The following FSIP1 variants were observed in gnomAD, a reference collection of about 807,000 sequenced individuals.
FSIP1 encodes the protein fibrous sheath interacting protein 1.
In FSIP1, 65 loss-of-function variants were observed where a neutral mutation model predicts 60.9. That is an observed-to-expected ratio of 1.07 (90% CI 0.87 to 1.31). FSIP1 has a LOEUF of 1.31. Among genes scored for constraint, FSIP1 ranks in the 40% most tolerant of loss-of-function variants. The probability of loss-of-function intolerance (pLI) is 0.00; values close to 1 mark genes in which losing one functional copy is unlikely to be tolerated. For synonymous variants in FSIP1, 209 were observed against 221.2 expected (o/e 0.94, Z 0.49); for missense variants, 675 against 665.5 (o/e 1.01, Z -0.16).
intron 3 of FSIP1, 50 bp downstream of exon 3, chr15:39,770,377 T>G: frequency 7.6e-7 from 1 of 1,314,518 alleles, no homozygotes; most frequent in Non-Finnish European, 1.0e-6. Flanking sequence ...TTTGTAATAA[T>G]CATTAACATT....
chr15:39,715,501 T>G (rs1373006968), intron 9 of FSIP1, among the ~76,000 whole-genome samples: 1 of 152,174 alleles, frequency 6.6e-6, no homozygotes. Context: ...TTTCGAAACT[T>G]TCATCAAACT....
At chr15:39,609,737 G>A (rs1261587853) in intron 11 of FSIP1, among the ~76,000 whole-genome samples, 1 of 152,178 alleles carries the variant, frequency 6.6e-6, no homozygotes, top group African/African-American at 2.4e-5. Flanking sequence ...TCCCAGCCAG[G>A]GAAAACAACA....
At chr15:39,773,281 C>A (rs1276564852) in intron 2 of FSIP1, among the ~76,000 whole-genome samples, 2 of 152,210 alleles carry the variant, frequency 1.3e-5, no homozygotes, top group Non-Finnish European at 2.9e-5. Context: ...AATCAGCAGT[C>A]AGCATACAAT....
chr15:39,765,751 A>G lies in FSIP1; in HGVS notation c.311-5T>C. The G allele has an allele frequency of 6.9e-7, 1 of 1,456,696 alleles. No homozygotes were observed. Among genetic ancestry groups the G allele is most frequent in the Non-Finnish European group, 9.4e-7 (1 of 1,064,548 alleles). The allele number at this position is 1,456,696 out of a possible 1,614,324, so 90.2% of individuals were successfully genotyped here. Reference sequence around the variant, plus strand: ...ATTCTTTTAATTTGGGTTCATCTATATTGTGTTGAAAGTAAAAATAGGTTT... The same window carrying G: ...ATTCTTTTAATTTGGGTTCATCTATGTTGTGTTGAAAGTAAAAATAGGTTT... On this transcript the variant is annotated splice_region_variant and splice_polypyrimidine_tract_variant and intron_variant, in intron 3 of 11. Coordinates refer to ENST00000350221, the MANE Select transcript of FSIP1 (RefSeq NM_152597.5).
chr15:39,701,986 G>C (rs1031389120), intron 10 of FSIP1, among the ~76,000 whole-genome samples: 2 of 152,148 alleles, frequency 1.3e-5, no homozygotes, highest in African/African-American at 4.8e-5. Context: ...ATTTTCAACT[G>C]AACATTCAAC....
chr15:39,656,688 A>G (rs1420335458), intron 10 of FSIP1, among the ~76,000 whole-genome samples: 1 of 152,254 alleles, frequency 6.6e-6, no homozygotes, highest in East Asian at 1.9e-4. Flanking sequence ...AGTTCTCACT[A>G]ACACAATCTT....
At position 39,765,587 on chromosome 15, in the gene FSIP1, C is replaced by T. The variant is rs1282955194; in HGVS notation, c.465+5G>A. 4.5e-6 allele frequency: 7 copies of T among 1,572,226 alleles called. No homozygotes were observed. Among genetic ancestry groups the T allele is most frequent in the Non-Finnish European group, 6.0e-6 (7 of 1,164,208 alleles). On this transcript the variant is annotated splice_donor_5th_base_variant and intron_variant, in intron 4 of 11. Transcript: ENST00000350221. ...CATGTCAGCATAAGGTTAGATAATT[C>T]TTACCTTAATTTCTTCCCACAGCTT...
intron 5 of FSIP1, among the ~76,000 whole-genome samples, chr15:39,763,519 G>A (rs1415149606): frequency 1.3e-5 from 2 of 152,124 alleles, no homozygotes; most frequent in African/African-American, 2.4e-5. Context: ...AGAAAGTGGG[G>A]TCTAAAGACA....
In FSIP1 at chr15:39,770,502, T is replaced by C. The variant is rs769472861; in HGVS notation, c.235A>G (p.Lys79Glu). 2 of 1,612,146 alleles carry C rather than the reference T, an allele frequency of 1.2e-6. No individual in the cohort carries two copies. The highest frequency in any genetic ancestry group is 1.1e-5 in the South Asian group (1 of 90,648). Residue 79 changes from lysine to glutamate, a missense_variant, in exon 3 of 12, where the codon AAA becomes GAA. By Grantham distance (56) the Lys-to-Glu change is moderately conservative. Transcript: ENST00000350221. ...NDDKQESCSEKIKLAEEGSDE... is the reference protein window; with the variant it reads ...NDDKQESCSEEIKLAEEGSDE... ...GATCCCTCTTCAGCCAATTTTATTT[T>C]CTCAGAGCAGCTTTCCTGCTTATCA...
chr15:39,607,974 C>G (rs775289659), intron 11 of FSIP1, among the ~76,000 whole-genome samples: 11 of 152,120 alleles, frequency 7.2e-5, no homozygotes, highest in Non-Finnish European at 1.5e-4. Context: ...AGAAAACTGA[C>G]ACAGCATTCA....
At chr15:39,728,205 T>C (rs62004772) in intron 8 of FSIP1, among the ~76,000 whole-genome samples, 31,804 of 152,138 alleles carry the variant, frequency 0.21, 4,154 homozygotes, top group East Asian at 0.41. Flanking sequence ...AAAATGGCCA[T>C]ACTGCCCAAA....
chr15:39,770,902 G>A lies in FSIP1; in HGVS notation c.127-292C>T, dbSNP rs1249595592. ...TGCCGGGCTCTGGGATAAGGCAGAC[G>A]GGCCTGCTCCTTGAGCTCACACTGG... On this transcript the variant is annotated intron_variant, in intron 2 of 11. Transcript: ENST00000350221. Among the ~76,000 whole-genome samples, 4 of 152,296 alleles carry A rather than the reference G, an allele frequency of 2.6e-5. No homozygotes were observed. In the East Asian group the frequency reaches 5.8e-4, roughly 22 times the overall value.
chr15:39,694,508 G>T (rs1021093196), intron 10 of FSIP1, among the ~76,000 whole-genome samples: 1 of 152,036 alleles, frequency 6.6e-6, no homozygotes, highest in Non-Finnish European at 1.5e-5. Context: ...ATTATATTAT[G>T]ACTCATTTTT....
chr15:39,754,662 T>A (rs1897253326), intron 5 of FSIP1, among the ~76,000 whole-genome samples: 1 of 152,038 alleles, frequency 6.6e-6, no homozygotes, highest in African/African-American at 2.4e-5. Context: ...ATTTCTAGTT[T>A]AGGAGACTAG....
At chr15:39,740,897 CTTAAG>C (rs1427914990) in intron 6 of FSIP1, among the ~76,000 whole-genome samples, 2 of 151,898 alleles carry the variant, frequency 1.3e-5, no homozygotes, top group Admixed American at 6.6e-5. Context: ...AAGCTTATAA[CTTAAG>C]TTATTAAGTT....
intron 11 of FSIP1, among the ~76,000 whole-genome samples, chr15:39,607,414 A>C (rs779120796): frequency 9.2e-5 from 14 of 152,194 alleles, no homozygotes; most frequent in Non-Finnish European, 1.5e-4. Flanking sequence ...GTCAGAATCT[A>C]TCTCTCTCTC....
chr15:39,624,539 G>A (rs937860130), intron 10 of FSIP1, among the ~76,000 whole-genome samples: 1 of 152,084 alleles, frequency 6.6e-6, no homozygotes, highest in East Asian at 1.9e-4. Flanking sequence ...TAAAAATCAA[G>A]GGGGAAAAAT....
chr15:39,730,846 G>A (rs1896377204), intron 8 of FSIP1, among the ~76,000 whole-genome samples: 1 of 152,170 alleles, frequency 6.6e-6, no homozygotes, highest in Admixed American at 6.5e-5. Context: ...TGGTGGCTGC[G>A]GAGCCACAGC....
intron 10 of FSIP1, among the ~76,000 whole-genome samples, chr15:39,706,152 T>C (rs1034519766): frequency 6.6e-6 from 1 of 152,198 alleles, no homozygotes; most frequent in Non-Finnish European, 1.5e-5. Context: ...CCTGGGTTTT[T>C]TGTTTGGTTG....
Sources: allele counts gnomAD v4.1 joint callset (sites outside exome capture counted in the v4.1 genomes callset), GRCh38; gene constraint gnomAD v4.1.1; transcripts MANE v1.5; gene names NCBI Gene and HGNC (gene_info 2026-07-23, HGNC 2026-07-21).